RTN1: variants seen among roughly 807,000 people sequenced by gnomAD.
RTN1 encodes reticulon-1.
In RTN1, 25 loss-of-function variants were observed where a neutral mutation model predicts 65.5. That is an observed-to-expected ratio of 0.38 (90% confidence interval 0.28 to 0.53). RTN1 has a LOEUF of 0.53. RTN1 is among the 20% of genes least tolerant of loss of function. RTN1 has a pLI of 0.79. For synonymous variants in RTN1, 471 were observed against 447.6 expected, an observed-to-expected ratio of 1.05 and a Z score of -0.66; for missense variants, 983 against 1,025.4, an observed-to-expected ratio of 0.96 and a Z score of 0.57.
chr14:59,842,357 C>T (rs950920654), intron 1 of RTN1, among the ~76,000 whole-genome samples: 1 of 151,686 alleles, frequency 6.6e-6, no homozygotes, highest in African/African-American at 2.4e-5. Flanking sequence ...TTTAAAAATC[C>T]CTCTCTCAAT....
chr14:59,601,145 C>T (rs1259237004), intron 8 of RTN1, among the ~76,000 whole-genome samples: 1 of 152,196 alleles, frequency 6.6e-6, no homozygotes, highest in East Asian at 1.9e-4. Flanking sequence ...ACATTCTTTC[C>T]AGTTGATCTT....
intron 1 of RTN1, among the ~76,000 whole-genome samples, chr14:59,855,397 G>C (rs1887586678): frequency 6.6e-6 from 1 of 152,024 alleles, no homozygotes; most frequent in Admixed American, 6.6e-5. Context: ...TTTCCATTTA[G>C]TTCTTTATAG....
At chr14:59,672,056 C>T (rs1883515814) in intron 3 of RTN1, among the ~76,000 whole-genome samples, 1 of 152,166 alleles carries the variant, frequency 6.6e-6, no homozygotes, top group Non-Finnish European at 1.5e-5. Context: ...TAAAATCAGC[C>T]TTGCCTTCTC....
chr14:59,832,668 G>A (rs1401259949), intron 1 of RTN1, among the ~76,000 whole-genome samples: 1 of 152,206 alleles, frequency 6.6e-6, no homozygotes, highest in Non-Finnish European at 1.5e-5. Context: ...TTCTGCCAAG[G>A]CCTGCTCTCC....
chr14:59,735,054 T>C (rs1253064698), intron 2 of RTN1, among the ~76,000 whole-genome samples: 2 of 152,090 alleles, frequency 1.3e-5, no homozygotes, highest in African/African-American at 4.8e-5. Context: ...AGAAACCCTA[T>C]AAGCTAGAAG....
rs540086918 is a variant in RTN1 at position 59,851,223 on chromosome 14, CAT to C, written c.241+19165_241+19166del. Reference sequence around the variant, plus strand: ...TTCACACAAATGATCACAGTGGAAACATAATCATTATTGTTAGGAAACACAAT... The same window carrying C: ...TTCACACAAATGATCACAGTGGAAACAATCATTATTGTTAGGAAACACAAT... On this transcript the variant is annotated intron_variant, in intron 1 of 8. Transcript: ENST00000267484. 3.3e-5 allele frequency among the ~76,000 whole-genome samples: 5 copies of C among 152,290 alleles called. No individual in the cohort carries two copies. In the East Asian group the frequency reaches 9.6e-4, roughly 29 times the overall value.
rs1406640750 is a variant in RTN1, at chr14:59,603,200, C to T, written c.2229+12G>A. 1.2e-6 allele frequency: 2 copies of T among 1,612,778 alleles called. 1 individual carries two copies. The highest frequency in any genetic ancestry group is 2.7e-5 in the African/African-American group (2 of 74,728). On this transcript the variant is annotated intron_variant, in intron 7 of 8. Transcript: ENST00000267484. ...AATTCAATGCCATTTTTTGACATCA[C>T]ATAGAACTTACCTGGTGCTTAACAT... is the stretch of plus-strand genomic sequence containing the variant.
chr14:59,786,801 T>C (rs1029488186), intron 1 of RTN1, among the ~76,000 whole-genome samples: 12 of 152,350 alleles, frequency 7.9e-5, no homozygotes, highest in African/African-American at 2.9e-4. Flanking sequence ...CTGAGCAACA[T>C]ACCATTGTGA....
At position 59,792,579 on chromosome 14, in the gene RTN1, T is replaced by C. The variant is rs1886368075; in HGVS notation, c.242-46098A>G. ...TTTAAAGGAGGGCCAACATCAACAA[T>C]ATTCTCAATGGCTCAATTCTGAAAA... is the stretch of plus-strand genomic sequence containing the variant. On this transcript the variant is annotated intron_variant, in intron 1 of 8. Coordinates refer to ENST00000267484, the MANE Select transcript of RTN1 (RefSeq NM_021136.3). Among the ~76,000 whole-genome samples the C allele has an allele frequency of 2.0e-5, 3 of 152,260 alleles. No homozygotes were observed. The South Asian group carries it at 6.2e-4, about 32-fold the overall frequency.
chr14:59,605,031 A>C (rs185354293), intron 5 of RTN1: 2 of 168,272 alleles, frequency 1.2e-5, no homozygotes, highest in African/African-American at 4.7e-5. Context: ...TCTTAATATT[A>C]ATTTTGGGAA....
intron 3 of RTN1, among the ~76,000 whole-genome samples, chr14:59,674,795 G>A (rs1165890781): frequency 1.3e-5 from 2 of 152,122 alleles, no homozygotes; most frequent in African/African-American, 4.8e-5. Context: ...GCAAAGAGAA[G>A]TTAATAAGTA....
Position 59,712,912 on chromosome 14 carries a change from C to CA in RTN1, c.1765+14006dup, listed in dbSNP as rs34371436. On this transcript the variant is annotated intron_variant, in intron 3 of 8. Transcript: ENST00000267484. ...GGGTGACAAGAGTGAAACTCCATCT[C>CA]AAAAAAAAAAAAAAAAATGAGTAAC... Among the ~76,000 whole-genome samples the CA allele has an allele frequency of 5.4e-3, 598 of 111,318 alleles. 1 individual carries two copies. Among genetic ancestry groups the CA allele is most frequent in the Middle Eastern group, 0.014 (3 of 210 alleles). The allele number at this position is 111,318 out of a possible 152,430, so 73.0% of individuals were successfully genotyped here.
At chr14:59,644,583 T>G (rs1029949536) in intron 3 of RTN1, among the ~76,000 whole-genome samples, 1 of 152,102 alleles carries the variant, frequency 6.6e-6, no homozygotes, top group Admixed American at 6.5e-5. Context: ...TAGACCCCCA[T>G]ACATACCCCG....
chr14:59,622,591 C>G (rs1201515470), intron 3 of RTN1, among the ~76,000 whole-genome samples: 1 of 152,120 alleles, frequency 6.6e-6, no homozygotes, highest in African/African-American at 2.4e-5. Context: ...TTTTTTCTGA[C>G]TGATTTTCAT....
At chr14:59,688,302 C>T (rs1391200746) in intron 3 of RTN1, among the ~76,000 whole-genome samples, 1 of 152,208 alleles carries the variant, frequency 6.6e-6, no homozygotes. Context: ...GTTTCAGCCA[C>T]TCCCCACCAC....
In RTN1 at chr14:59,766,570, C is replaced by T. The variant is rs2139554931; in HGVS notation, c.242-20089G>A. On this transcript the variant is annotated intron_variant, in intron 1 of 8. Coordinates refer to ENST00000267484, the MANE Select transcript of RTN1 (RefSeq NM_021136.3). The surrounding 1 kb of genome is among the most constrained non-coding windows in gnomAD (Gnocchi z 4.4). ...GCTTCTGGTTGTTTATCAGATGACCCCATGATAAGGTTTAAGAGTATTTTT... is the reference window on the plus strand; with the variant it reads ...GCTTCTGGTTGTTTATCAGATGACCTCATGATAAGGTTTAAGAGTATTTTT... Among the ~76,000 whole-genome samples the T allele has an allele frequency of 6.6e-6, 1 of 152,182 alleles. No individual in the cohort carries two copies. Among genetic ancestry groups the T allele is most frequent in the South Asian group, 2.1e-4 (1 of 4,812 alleles).
rs76620998 is a variant in RTN1, at chr14:59,829,426, A to C, written c.241+40964T>G. 3.9e-3 allele frequency among the ~76,000 whole-genome samples: 590 copies of C among 152,342 alleles called. 8 individuals carry two copies. The highest frequency in any genetic ancestry group is 0.014 in the African/African-American group (575 of 41,578). Reference sequence around the variant, plus strand: ...GAATAGTTAATGCTGAGGTGACCCCAAAATCTCAGTGACTTAAATATTTTA... The same window carrying C: ...GAATAGTTAATGCTGAGGTGACCCCCAAATCTCAGTGACTTAAATATTTTA... On this transcript the variant is annotated intron_variant, in intron 1 of 8. Transcript: ENST00000267484. This position sits in a 1 kb window ranked among gnomAD's most constrained non-coding sequence, Gnocchi z 4.3.
chr14:59,649,509 T>A (rs1048942378), intron 3 of RTN1, among the ~76,000 whole-genome samples: 8 of 151,992 alleles, frequency 5.3e-5, no homozygotes, highest in African/African-American at 1.9e-4. Flanking sequence ...AATGTATCCA[T>A]CTAACAAAGG....
chr14:59,620,913 C>T (rs1259534763), intron 3 of RTN1, among the ~76,000 whole-genome samples: 2 of 152,140 alleles, frequency 1.3e-5, no homozygotes, highest in East Asian at 3.9e-4. Flanking sequence ...GAATGACGGA[C>T]AGTCTAGATG....
Sources: allele counts gnomAD v4.1 joint callset (sites outside exome capture counted in the v4.1 genomes callset), GRCh38; gene constraint gnomAD v4.1.1; non-coding constraint Gnocchi (gnomAD v3.1); transcripts MANE v1.5; gene names NCBI Gene and HGNC (gene_info 2026-07-23, HGNC 2026-07-21).